BICD1: variants seen among roughly 807,000 people sequenced by gnomAD.
The protein encoded by BICD1 is BICD cargo adaptor 1, also known as protein bicaudal D homolog 1.
A neutral mutation model predicts 92.5 loss-of-function variants in BICD1; 35 were observed. That is an observed-to-expected ratio of 0.38 (90% CI 0.29 to 0.50). BICD1 has a LOEUF of 0.50. Ranked by LOEUF, BICD1 falls within the 20% of genes least tolerant of loss-of-function variation. BICD1 has a pLI of 0.93. For synonymous variants in BICD1, 429 were observed against 465.1 expected (o/e 0.92, Z 1.00); for missense variants, 950 against 1,189.8 (o/e 0.80, Z 2.97).
intron 1 of BICD1, among the ~76,000 whole-genome samples, chr12:32,206,564 C>T (rs1945062318): frequency 3.3e-5 from 5 of 152,150 alleles, no homozygotes; most frequent in Admixed American, 2.6e-4. Context: ...CGAGATCACG[C>T]CACTGCACTC....
intron 8 of BICD1, among the ~76,000 whole-genome samples, chr12:32,346,633 T>TATATACAC (rs1938634343): frequency 1.1e-4 from 2 of 18,102 alleles, no homozygotes. Context: ...TATATATATA[T>TATATACAC]ACGTGTATAT....
intron 1 of BICD1, 39 bp downstream of exon 1, chr12:32,107,583 T>TC (rs766194302): frequency 1.3e-6 from 2 of 1,538,582 alleles, no homozygotes; most frequent in Non-Finnish European, 1.8e-6. Flanking sequence ...TGGCCCTCAC[T>TC]CCCCCCACCC....
At chr12:32,133,618 A>G (rs973677083) in intron 1 of BICD1, among the ~76,000 whole-genome samples, 3 of 152,184 alleles carry the variant, frequency 2.0e-5, no homozygotes, top group African/African-American at 7.2e-5. Flanking sequence ...TAAGTTGGCT[A>G]CCTTTCATGA....
At chr12:32,311,103 T>A (rs1338024527) in intron 4 of BICD1, among the ~76,000 whole-genome samples, 1 of 152,212 alleles carries the variant, frequency 6.6e-6, no homozygotes, top group Non-Finnish European at 1.5e-5. Flanking sequence ...GCCTGTGACA[T>A]AGCCCTCAGG....
intron 4 of BICD1, among the ~76,000 whole-genome samples, chr12:32,309,922 C>G (rs574477017): frequency 6.6e-6 from 1 of 152,256 alleles, no homozygotes; most frequent in Non-Finnish European, 1.5e-5. Context: ...AATGCTATCC[C>G]TGACAGTTTG....
intron 1 of BICD1, among the ~76,000 whole-genome samples, chr12:32,157,430 T>C (rs547658921): frequency 3.3e-5 from 5 of 152,358 alleles, no homozygotes; most frequent in African/African-American, 1.2e-4. Context: ...ATGATTACTT[T>C]TGGATACTTT....
At chr12:32,305,544 T>C (rs1948188714) in intron 3 of BICD1, among the ~76,000 whole-genome samples, 153 bp from the exon 4 acceptor site, 1 of 151,970 alleles carries the variant, frequency 6.6e-6, no homozygotes, top group Non-Finnish European at 1.5e-5. Flanking sequence ...CTATCCTATA[T>C]AACTTTAAGG....
chr12:32,193,544 C>G (rs1019389465), intron 1 of BICD1, among the ~76,000 whole-genome samples: 12 of 151,720 alleles, frequency 7.9e-5, no homozygotes, highest in Non-Finnish European at 1.8e-4. Flanking sequence ...TAGCTAATAC[C>G]AAATAAATAG....
At chr12:32,132,174 T>C (rs1449235578) in intron 1 of BICD1, among the ~76,000 whole-genome samples, 1 of 152,000 alleles carries the variant, frequency 6.6e-6, no homozygotes, top group African/African-American at 2.4e-5. Flanking sequence ...TCCCAGCTGT[T>C]TGGGAGGCCA....
chr12:32,317,953 A>G (rs1350416340), intron 4 of BICD1, among the ~76,000 whole-genome samples: 3 of 152,008 alleles, frequency 2.0e-5, no homozygotes, highest in Admixed American at 6.5e-5. Context: ...TCCCAGCACC[A>G]TTTATTAAAT....
At chr12:32,369,310 T>C (rs1183849222) in intron 9 of BICD1, among the ~76,000 whole-genome samples, 1 of 152,222 alleles carries the variant, frequency 6.6e-6, no homozygotes. Context: ...CAGACCTCAG[T>C]AGTCCGGTTG....
chr12:32,125,447 T>A (rs1942294896), intron 1 of BICD1, among the ~76,000 whole-genome samples: 1 of 152,206 alleles, frequency 6.6e-6, no homozygotes, highest in African/African-American at 2.4e-5. Context: ...CTTATGCCTC[T>A]TGAACAGGGT....
At chr12:32,325,399 C>A (rs935153175) in intron 4 of BICD1, among the ~76,000 whole-genome samples, 3 of 152,146 alleles carry the variant, frequency 2.0e-5, no homozygotes, top group Non-Finnish European at 4.4e-5. Context: ...GACTGAAGTG[C>A]TGGCAGCAAA....
intron 9 of BICD1, 125 bp downstream of exon 9, chr12:32,367,870 G>A: frequency 1.2e-6 from 1 of 857,812 alleles, no homozygotes. Context: ...TTCAAGTGTG[G>A]GCTACATAGA....
chr12:32,330,588 TAAA>T (rs1257542678), intron 5 of BICD1, among the ~76,000 whole-genome samples: 1 of 149,828 alleles, frequency 6.7e-6, no homozygotes, highest in African/African-American at 2.4e-5. Context: ...TATATATATA[TAAA>T]ATAAATAAAA....
chr12:32,141,819 G>C (rs1219251276), intron 1 of BICD1, among the ~76,000 whole-genome samples: 1 of 152,134 alleles, frequency 6.6e-6, no homozygotes, highest in Admixed American at 6.5e-5. Context: ...CCCGAAGCCA[G>C]TGGTTTTCTA....
intron 4 of BICD1, among the ~76,000 whole-genome samples, chr12:32,306,846 C>A (rs541374718): frequency 6.6e-6 from 1 of 151,604 alleles, no homozygotes; most frequent in Non-Finnish European, 1.5e-5. Context: ...AAAACCCCAT[C>A]GCTACTAAAA....
At chr12:32,177,806 TATATAAA>T (rs200456426) in intron 1 of BICD1, among the ~76,000 whole-genome samples, 7,756 of 114,700 alleles carry the variant, frequency 0.068, 282 homozygotes, top group South Asian at 0.13. Flanking sequence ...TATAAATATT[TATATAAA>T]ATATAAAATA....
chr12:32,255,813 C>T (rs565783517), intron 2 of BICD1, among the ~76,000 whole-genome samples: 5 of 152,330 alleles, frequency 3.3e-5, no homozygotes, highest in East Asian at 1.9e-4. Flanking sequence ...GAATTACTCC[C>T]TTGGCCAGCT....
Sources: gnomAD v4.1 joint callset for allele counts (sites outside exome capture counted in the v4.1 genomes callset) on GRCh38, gnomAD v4.1.1 for gene constraint, MANE v1.5 for transcripts, NCBI Gene and HGNC (gene_info 2026-07-23, HGNC 2026-07-21) for gene names.